Variants in ECPAS observed in about 807,000 individuals in gnomAD.
ECPAS encodes proteasome adapter and scaffold protein ECM29.
Under a neutral mutation model 255.1 loss-of-function variants are expected in ECPAS, and 70 were observed. The ratio of observed to expected loss-of-function variants is 0.27; its 90% confidence interval spans 0.23 to 0.33. The LOEUF is 0.33. Ranked by LOEUF, ECPAS falls within the 10% of genes least tolerant of loss-of-function variation. The probability of loss-of-function intolerance (pLI) is 1.00; values close to 1 mark genes in which losing one functional copy is unlikely to be tolerated. For synonymous variants in ECPAS, 784 were observed against 775.0 expected, an observed-to-expected ratio of 1.01 and a Z score of -0.19; for missense variants, 1,817 against 2,206.4, an observed-to-expected ratio of 0.82 and a Z score of 3.54.
intron 2 of ECPAS, among the ~76,000 whole-genome samples, chr9:111,458,181 G>A (rs940186993): frequency 2.0e-5 from 3 of 151,992 alleles, no homozygotes; most frequent in East Asian, 1.9e-4. Flanking sequence ...AGGAGCCAAC[G>A]GACCTATATT....
intron 1 of ECPAS, among the ~76,000 whole-genome samples, chr9:111,478,213 C>T (rs2098298922): frequency 6.6e-6 from 1 of 151,688 alleles, no homozygotes. Flanking sequence ...CTGGCAACTT[C>T]ATGCTCAATG....
At chr9:111,363,831 A>C (rs141167377) in intron 48 of ECPAS, among the ~76,000 whole-genome samples, 172 bp from the exon 49 acceptor site, 2 of 152,246 alleles carry the variant, frequency 1.3e-5, no homozygotes, top group African/African-American at 4.8e-5. Flanking sequence ...AATACTTGAA[A>C]TGTGTGCTAA....
intron 2 of ECPAS, among the ~76,000 whole-genome samples, chr9:111,459,142 CAT>C (rs752495869): frequency 3.9e-5 from 6 of 152,100 alleles, no homozygotes; most frequent in South Asian, 2.1e-4. Context: ...AAATATTTTC[CAT>C]ATGTTATATA....
At chr9:111,465,421 T>G (rs1273123219) in intron 2 of ECPAS, among the ~76,000 whole-genome samples, 2 of 151,772 alleles carry the variant, frequency 1.3e-5, no homozygotes, top group Non-Finnish European at 2.9e-5. Flanking sequence ...GCGCCTGTAA[T>G]CCGAGCTACT....
intron 1 of ECPAS, among the ~76,000 whole-genome samples, chr9:111,480,580 G>C (rs554094265): frequency 1.6e-4 from 24 of 152,194 alleles, no homozygotes; most frequent in African/African-American, 5.8e-4. Context: ...TTACAGGTGT[G>C]AGCCACCACA....
intron 48 of ECPAS, among the ~76,000 whole-genome samples, chr9:111,364,039 T>G (rs1449947327): frequency 6.6e-6 from 1 of 152,166 alleles, no homozygotes; most frequent in Non-Finnish European, 1.5e-5. Flanking sequence ...CAAAGAACAT[T>G]ATATGACCCA....
At chr9:111,431,024 T>C (rs1471330043) in intron 8 of ECPAS, among the ~76,000 whole-genome samples, 1 of 152,190 alleles carries the variant, frequency 6.6e-6, no homozygotes, top group Non-Finnish European at 1.5e-5. Context: ...GTTTAACCAT[T>C]TGGCAGTTCA....
At chr9:111,484,094 G>C (rs927233307) in intron 1 of ECPAS, 22 bp downstream of exon 1, 2 of 1,298,294 alleles carry the variant, frequency 1.5e-6, no homozygotes, top group African/African-American at 1.6e-5. Context: ...AGTCCCCCGC[G>C]GCCCGGGGGC....
chr9:111,401,734 T>C (rs1338371216), intron 24 of ECPAS, among the ~76,000 whole-genome samples: 2 of 152,164 alleles, frequency 1.3e-5, no homozygotes, highest in Non-Finnish European at 2.9e-5. Flanking sequence ...GGGTCTCAAT[T>C]ATTAATATTC....
intron 1 of ECPAS, among the ~76,000 whole-genome samples, chr9:111,473,766 AG>A (rs1312823306): frequency 1.3e-5 from 2 of 152,214 alleles, no homozygotes; most frequent in Non-Finnish European, 2.9e-5. Context: ...CAGGAATTTG[AG>A]ACCAGCCTGG....
chr9:111,406,705 A>G (rs1182640275), intron 24 of ECPAS, among the ~76,000 whole-genome samples: 3 of 148,046 alleles, frequency 2.0e-5, no homozygotes, highest in Non-Finnish European at 1.5e-5. Flanking sequence ...GGAGTTCAAG[A>G]CCACCCTAGG....
intron 29 of ECPAS, among the ~76,000 whole-genome samples, chr9:111,391,547 C>T (rs566985110): frequency 2.0e-5 from 3 of 150,964 alleles, no homozygotes; most frequent in African/African-American, 7.3e-5. Flanking sequence ...CTCCACTGCA[C>T]TCCAGCCTAG....
At chr9:111,392,980 AATG>A (rs2098162478) in intron 27 of ECPAS, 98 bp from the exon 28 acceptor site, 5 of 655,098 alleles carry the variant, frequency 7.6e-6, no homozygotes, top group Non-Finnish European at 1.3e-5. Flanking sequence ...ACTGACCCAA[AATG>A]ATATCAAAGT....
At position 111,389,834 on chromosome 9, in the gene ECPAS, T is replaced by C. The variant is rs570414272; in HGVS notation, c.3280-111A>G. 3.2e-6 allele frequency: 4 copies of C among 1,246,614 alleles called. No homozygotes were observed. In the Admixed American group the frequency reaches 7.3e-5, roughly 23 times the overall value. The allele number at this position is 1,246,614 out of a possible 1,614,324, so 77.2% of individuals were successfully genotyped here. A position where few individuals can be genotyped will look rare whatever the true frequency, so the allele number is the denominator to read the frequency against. On this transcript the variant is annotated intron_variant, in intron 30 of 49. Coordinates refer to ENST00000684092, the MANE Select transcript of ECPAS (RefSeq NM_001364929.1). ...CTAAATACAGCCTGATTTATTGGTC[T>C]TTCCAATCAACAGCATTTGTGGGGT...
chr9:111,435,267 C>G (rs1460734730), intron 7 of ECPAS, among the ~76,000 whole-genome samples: 2 of 152,164 alleles, frequency 1.3e-5, no homozygotes, highest in East Asian at 3.9e-4. Flanking sequence ...TTGGAAAAAA[C>G]ATGTTTTCCT....
intron 20 of ECPAS, among the ~76,000 whole-genome samples, chr9:111,413,296 C>A (rs1243197167): frequency 6.6e-6 from 1 of 152,148 alleles, no homozygotes; most frequent in Non-Finnish European, 1.5e-5. Context: ...ATAGTACATT[C>A]ATACAATAAA....
chr9:111,443,834 T>G (rs1359191150), intron 4 of ECPAS, among the ~76,000 whole-genome samples: 1 of 152,170 alleles, frequency 6.6e-6, no homozygotes, highest in Non-Finnish European at 1.5e-5. Context: ...TCACACAGCA[T>G]CAACATATTT....
chr9:111,431,778 T>C (rs928169168), intron 8 of ECPAS, among the ~76,000 whole-genome samples: 3 of 152,200 alleles, frequency 2.0e-5, no homozygotes, highest in African/African-American at 7.2e-5. Flanking sequence ...GCTTTTTGGA[T>C]TTATCTTCTT....
chr9:111,416,473 C>G (rs951243782), intron 17 of ECPAS, 121 bp from the exon 18 acceptor site: 2 of 700,280 alleles, frequency 2.9e-6, no homozygotes, highest in Non-Finnish European at 4.9e-6. Flanking sequence ...TTTTTCTGAT[C>G]AAACATTTTC....
Sources: allele counts gnomAD v4.1 joint callset (sites outside exome capture counted in the v4.1 genomes callset), GRCh38; gene constraint gnomAD v4.1.1; transcripts MANE v1.5; gene names NCBI Gene and HGNC (gene_info 2026-07-23, HGNC 2026-07-21).